Variants in FAM20C observed in about 807,000 individuals in gnomAD.
FAM20C encodes the protein extracellular serine/threonine protein kinase FAM20C.
FAM20C carries 40 observed loss-of-function variants against 51.5 expected under a neutral mutation model. That is an observed-to-expected ratio of 0.78 (90% CI 0.60 to 1.01). FAM20C has a LOEUF of 1.01. FAM20C is among the 50% of genes least tolerant of loss of function. The probability of loss-of-function intolerance (pLI) is 0.00; values close to 1 mark genes in which losing one functional copy is unlikely to be tolerated. For missense variants in FAM20C, 861 were observed against 844.7 expected (o/e 1.02, Z -0.24); for synonymous variants, 406 against 380.6 (o/e 1.07, Z -0.78).
At chr7:214,573 G>A (rs1172358450) in intron 3 of FAM20C, among the ~76,000 whole-genome samples, 1 of 152,228 alleles carries the variant, frequency 6.6e-6, no homozygotes. Flanking sequence ...TAGCCACAGA[G>A]CGACGGGCCT....
intron 3 of FAM20C, among the ~76,000 whole-genome samples, chr7:213,793 G>A (rs1411870996): frequency 6.6e-6 from 1 of 152,058 alleles, no homozygotes; most frequent in African/African-American, 2.4e-5. Context: ...TCGTTCCCGG[G>A]TTCCAGTTTC....
At chr7:226,268 C>T (rs768542611) in intron 3 of FAM20C, among the ~76,000 whole-genome samples, 4 of 152,260 alleles carry the variant, frequency 2.6e-5, no homozygotes, top group Admixed American at 1.3e-4. Context: ...TCCTCTGCCT[C>T]GTGACCGGCT....
chr7:258,219 G>GA (rs1788704281), intron 8 of FAM20C, among the ~76,000 whole-genome samples: 1 of 140,328 alleles, frequency 7.1e-6, no homozygotes, highest in African/African-American at 3.0e-5. Flanking sequence ...ACTGACTGGG[G>GA]TGCTGGAGAT....
At chr7:224,484 C>T (rs868496681) in intron 3 of FAM20C, among the ~76,000 whole-genome samples, 1 of 6,600 alleles carries the variant, frequency 1.5e-4, no homozygotes, top group African/African-American at 8.5e-4. Context: ...AGAATGGCAC[C>T]GTCACGGGGG....
At chr7:200,908 A>C (rs1004286566) in intron 2 of FAM20C, among the ~76,000 whole-genome samples, 2 of 152,124 alleles carry the variant, frequency 1.3e-5, no homozygotes, top group African/African-American at 4.8e-5. Flanking sequence ...AGCCTCCTTG[A>C]TGCCAGCCCC....
At chr7:217,447 AAGGGGGTAACAT>A (rs1787054050) in intron 3 of FAM20C, among the ~76,000 whole-genome samples, 1 of 6,124 alleles carries the variant, frequency 1.6e-4, no homozygotes, top group African/African-American at 6.0e-4. Flanking sequence ...TTTGTGCATC[AAGGGGGTAACAT>A]GCACCTGGAC....
chr7:219,867 C>G (rs1787172890), intron 3 of FAM20C, among the ~76,000 whole-genome samples: 1 of 152,224 alleles, frequency 6.6e-6, no homozygotes, highest in Admixed American at 6.5e-5. Flanking sequence ...GATAAAAATT[C>G]ATGTTTCTCT....
chr7:218,100 T>G (rs1314592061), intron 3 of FAM20C, among the ~76,000 whole-genome samples: 4 of 152,150 alleles, frequency 2.6e-5, no homozygotes, highest in African/African-American at 9.7e-5. Context: ...GCTCTCGAAC[T>G]TCCCCGGGCC....
At chr7:212,866 C>T (rs969387439) in intron 3 of FAM20C, among the ~76,000 whole-genome samples, 1 of 152,302 alleles carries the variant, frequency 6.6e-6, no homozygotes, top group African/African-American at 2.4e-5. Flanking sequence ...TGGGGGCTTT[C>T]GGCTCAGAAC....
At chr7:257,225 A>T (rs1292536251) in intron 8 of FAM20C, 139 bp downstream of exon 8, 1 of 882,956 alleles carries the variant, frequency 1.1e-6, no homozygotes, top group African/African-American at 1.7e-5. Context: ...CCCATCTCAG[A>T]GCCAGATGCA....
At chr7:241,692 ATG>A (rs1225739468) in intron 3 of FAM20C, among the ~76,000 whole-genome samples, 2 of 152,036 alleles carry the variant, frequency 1.3e-5, no homozygotes, top group Non-Finnish European at 2.9e-5. Flanking sequence ...CTGTGCACAT[ATG>A]TGTGTGCACA....
At chr7:256,522 G>C in intron 6 of FAM20C, 132 bp from the exon 7 acceptor site, 1 of 717,366 alleles carries the variant, frequency 1.4e-6, no homozygotes, top group Non-Finnish European at 2.4e-6. Context: ...CAGCCTCAGC[G>C]CCGCAGCCCG....
chr7:208,862 A>G, intron 2 of FAM20C, 36 bp from the exon 3 acceptor site: 1 of 1,548,944 alleles, frequency 6.5e-7, no homozygotes. Flanking sequence ...GCGTGAGGCC[A>G]GAGAGTGACC....
intron 2 of FAM20C, among the ~76,000 whole-genome samples, chr7:208,402 G>GT (rs1786540765): frequency 7.3e-6 from 1 of 137,282 alleles, no homozygotes. Context: ...TGACTGTGGG[G>GT]TGTGTGCTGA....
chr7:213,848 C>T lies in FAM20C; in HGVS notation c.863+4872C>T, dbSNP rs189459067. ...GTGCTGTTGTCTGGCTTTTTGATGACGGCCGTCCCGGTGGGGGTGGAGGGG... is the reference window on the plus strand; with the variant it reads ...GTGCTGTTGTCTGGCTTTTTGATGATGGCCGTCCCGGTGGGGGTGGAGGGG... On this transcript the variant is annotated intron_variant, in intron 3 of 9. Coordinates refer to ENST00000313766, the MANE Select transcript of FAM20C (RefSeq NM_020223.4). 2.1e-3 allele frequency among the ~76,000 whole-genome samples: 315 copies of T among 152,058 alleles called. 2 individuals are homozygous for T. Among genetic ancestry groups the T allele is most frequent in the Admixed American group, 4.9e-3 (75 of 15,258 alleles).
At chr7:196,010 G>C (rs1785850147) in intron 2 of FAM20C, among the ~76,000 whole-genome samples, 1 of 152,232 alleles carries the variant, frequency 6.6e-6, no homozygotes, top group Non-Finnish European at 1.5e-5. Context: ...GTGGTCCCGG[G>C]GGTGCCAACT....
In FAM20C at chr7:213,899, C is replaced by T. The variant is rs530736870; in HGVS notation, c.863+4923C>T. Among the ~76,000 whole-genome samples, 253 of 152,242 alleles carry T rather than the reference C, an allele frequency of 1.7e-3. 1 individual carries two copies. The highest frequency in any genetic ancestry group is 5.5e-3 in the African/African-American group (230 of 41,522). On this transcript the variant is annotated intron_variant, in intron 3 of 9. Transcript: ENST00000313766. ...GGTTTTGTGGTGGTTTTGACTTGCA[C>T]GTCCCGGTGACTAATATTGGAGTGT...
At chr7:235,549 T>C (rs1787821901) in intron 3 of FAM20C, among the ~76,000 whole-genome samples, 1 of 152,228 alleles carries the variant, frequency 6.6e-6, no homozygotes, top group African/African-American at 2.4e-5. Flanking sequence ...GTTTTGTTTA[T>C]CGTCACATAA....
chr7:251,810 T>C (rs1179264241), intron 5 of FAM20C, among the ~76,000 whole-genome samples: 2 of 152,104 alleles, frequency 1.3e-5, no homozygotes, highest in African/African-American at 4.8e-5. Flanking sequence ...GCAGCGCAAG[T>C]TTCTCCCCTG....
Sources: allele counts gnomAD v4.1 joint callset (sites outside exome capture counted in the v4.1 genomes callset), GRCh38; gene constraint gnomAD v4.1.1; transcripts MANE v1.5; gene names NCBI Gene and HGNC (gene_info 2026-07-23, HGNC 2026-07-21).